Variants in CNTNAP5 observed in about 807,000 individuals in gnomAD.
CNTNAP5 encodes the protein contactin associated protein family member 5, also known as contactin-associated protein-like 5.
A neutral mutation model predicts 150.2 loss-of-function variants in CNTNAP5; 72 were observed. The ratio of observed to expected loss-of-function variants is 0.48; its 90% CI spans 0.40 to 0.58. The LOEUF (loss-of-function observed/expected upper bound fraction) is 0.58. Ranked by LOEUF, CNTNAP5 falls within the 20% of genes least tolerant of loss-of-function variation. CNTNAP5 has a pLI of 0.00. For synonymous variants in CNTNAP5, 672 were observed against 619.8 expected, an observed-to-expected ratio of 1.08 and a Z score of -1.25; for missense variants, 1,636 against 1,626.2, an observed-to-expected ratio of 1.01 and a Z score of -0.10.
At chr2:124,893,755 G>A (rs1401257701) in intron 21 of CNTNAP5, among the ~76,000 whole-genome samples, 1 of 151,936 alleles carries the variant, frequency 6.6e-6, no homozygotes, top group East Asian at 1.9e-4. Flanking sequence ...CTTTTTTTAG[G>A]CTGGACTCCA....
At chr2:124,750,695 T>C (rs1328005970) in intron 14 of CNTNAP5, among the ~76,000 whole-genome samples, 3 of 151,872 alleles carry the variant, frequency 2.0e-5, no homozygotes, top group Admixed American at 6.6e-5. Context: ...CATTTAAAAG[T>C]AGTGGCAAGG....
intron 2 of CNTNAP5, among the ~76,000 whole-genome samples, chr2:124,240,989 G>A (rs1294669085): frequency 1.3e-5 from 2 of 152,086 alleles, no homozygotes; most frequent in African/African-American, 4.8e-5. Flanking sequence ...GAAAGAAAAA[G>A]GTTATTGATT....
At chr2:124,043,223 C>A (rs1351482902) in intron 1 of CNTNAP5, among the ~76,000 whole-genome samples, 1 of 152,144 alleles carries the variant, frequency 6.6e-6, no homozygotes, top group Non-Finnish European at 1.5e-5. Context: ...GTATATAGAT[C>A]ACCACATTCC....
At chr2:124,891,218 C>T (rs1363556150) in intron 21 of CNTNAP5, among the ~76,000 whole-genome samples, 1 of 152,050 alleles carries the variant, frequency 6.6e-6, no homozygotes, top group Non-Finnish European at 1.5e-5. Context: ...AATGAATTTG[C>T]TCACATGCTG....
chr2:124,481,482 T>C (rs1033982486), intron 7 of CNTNAP5, among the ~76,000 whole-genome samples: 19 of 152,228 alleles, frequency 1.2e-4, no homozygotes, highest in African/African-American at 4.3e-4. Flanking sequence ...AGAAAATTTC[T>C]TTAGAATGTT....
chr2:124,258,128 C>A (rs913326703), intron 3 of CNTNAP5, among the ~76,000 whole-genome samples: 9 of 152,076 alleles, frequency 5.9e-5, no homozygotes, highest in African/African-American at 2.2e-4. Flanking sequence ...CACAGCAATG[C>A]AGATTGTGTG....
At chr2:124,399,198 T>C (rs1224759095) in intron 3 of CNTNAP5, among the ~76,000 whole-genome samples, 2 of 152,106 alleles carry the variant, frequency 1.3e-5, no homozygotes, top group African/African-American at 4.8e-5. Context: ...ACAGAAAAAG[T>C]TGAAAGTCAC....
chr2:124,427,693 G>A (rs139842329), intron 4 of CNTNAP5, among the ~76,000 whole-genome samples: 99 of 152,214 alleles, frequency 6.5e-4, no homozygotes, highest in African/African-American at 2.3e-3. Flanking sequence ...CTGACCTCAG[G>A]TGATCTGCCT....
At chr2:124,435,170 A>G (rs868744765) in intron 5 of CNTNAP5, among the ~76,000 whole-genome samples, 2 of 152,114 alleles carry the variant, frequency 1.3e-5, no homozygotes, top group African/African-American at 2.4e-5. Context: ...TTTTTAAGGG[A>G]AACTCTTTTC....
intron 1 of CNTNAP5, among the ~76,000 whole-genome samples, chr2:124,051,259 A>T (rs994910285): frequency 6.6e-6 from 1 of 152,208 alleles, no homozygotes; most frequent in Non-Finnish European, 1.5e-5. Context: ...TCATCAGTTC[A>T]ACAGGTGGTC....
At chr2:124,680,247 C>T (rs746972658) in intron 13 of CNTNAP5, among the ~76,000 whole-genome samples, 1 of 151,886 alleles carries the variant, frequency 6.6e-6, no homozygotes, top group Non-Finnish European at 1.5e-5. Context: ...AGGTTAGGTT[C>T]CTCCTTTGGA....
chr2:124,408,145 C>A (rs1000691274), intron 3 of CNTNAP5, among the ~76,000 whole-genome samples: 8 of 152,200 alleles, frequency 5.3e-5, no homozygotes, highest in Non-Finnish European at 1.5e-5. Context: ...AAAATCGGGT[C>A]ACTCCCACCC....
intron 1 of CNTNAP5, among the ~76,000 whole-genome samples, chr2:124,144,640 A>T (rs1404365213): frequency 4.5e-5 from 6 of 134,028 alleles, no homozygotes; most frequent in African/African-American, 1.7e-4. Context: ...ACAAAAATCA[A>T]TTCAAGATGG....
chr2:124,514,871 G>T (rs1694671003), intron 8 of CNTNAP5, among the ~76,000 whole-genome samples: 1 of 152,178 alleles, frequency 6.6e-6, no homozygotes, highest in South Asian at 2.1e-4. Context: ...GCAGAGTTTT[G>T]GTCAGGGACC....
At chr2:124,722,689 AG>A (rs1204844889) in intron 13 of CNTNAP5, among the ~76,000 whole-genome samples, 2 of 152,134 alleles carry the variant, frequency 1.3e-5, no homozygotes, top group African/African-American at 4.8e-5. Context: ...GCTGAGATTA[AG>A]GGGGTAGCCT....
chr2:124,616,651 C>T (rs1001642763), intron 12 of CNTNAP5, among the ~76,000 whole-genome samples: 1 of 152,220 alleles, frequency 6.6e-6, no homozygotes, highest in Non-Finnish European at 1.5e-5. Flanking sequence ...AGCTTTTGGT[C>T]TATCTCCACT....
In CNTNAP5 at chr2:124,503,977, C is replaced by T. The variant is rs570563306; in HGVS notation, c.1063-315C>T. Among the ~76,000 whole-genome samples the T allele has an allele frequency of 9.9e-5, 15 of 152,254 alleles. No homozygotes were observed. The South Asian group carries it at 2.5e-3, about 25-fold the overall frequency. On this transcript the variant is annotated intron_variant, in intron 7 of 23. Transcript: ENST00000682447. ...TGAGCTTGGCACATAGTTGACTTGCCATAGGTATTTATATAATGAGTAAAT... is the reference window on the plus strand; with the variant it reads ...TGAGCTTGGCACATAGTTGACTTGCTATAGGTATTTATATAATGAGTAAAT...
chr2:124,571,437 A>C (rs1696149726), intron 11 of CNTNAP5, among the ~76,000 whole-genome samples: 1 of 151,908 alleles, frequency 6.6e-6, no homozygotes, highest in Admixed American at 6.6e-5. Flanking sequence ...AGTGTAACCT[A>C]GGAGTCAGAA....
intron 2 of CNTNAP5, among the ~76,000 whole-genome samples, chr2:124,229,735 G>T (rs1686566096): frequency 6.6e-6 from 1 of 152,134 alleles, no homozygotes; most frequent in African/African-American, 2.4e-5. Context: ...CGCAGGAAGT[G>T]CAGGGGTTGG....
Sources: allele counts gnomAD v4.1 joint callset (sites outside exome capture counted in the v4.1 genomes callset), GRCh38; gene constraint gnomAD v4.1.1; transcripts MANE v1.5; gene names NCBI Gene and HGNC (gene_info 2026-07-23, HGNC 2026-07-21).